HSD3B7: variants seen among roughly 807,000 people sequenced by gnomAD.
HSD3B7 encodes 3 beta-hydroxysteroid dehydrogenase type 7.
A neutral mutation model predicts 34.3 loss-of-function variants in HSD3B7; 35 were observed. The ratio of observed to expected loss-of-function variants is 1.02; its 90% CI spans 0.78 to 1.35. HSD3B7 has a LOEUF of 1.35. HSD3B7 is among the 40% of genes most tolerant of loss of function. The pLI, the probability that HSD3B7 is intolerant of heterozygous loss-of-function variation, is 0.00. For missense variants in HSD3B7, 426 were observed against 504.7 expected, an observed-to-expected ratio of 0.84 and a Z score of 1.49; for synonymous variants, 217 against 220.1, an observed-to-expected ratio of 0.99 and a Z score of 0.13.
Position 30,987,816 on chromosome 16 carries a change from G to A in HSD3B7, c.743G>A (p.Arg248Gln), listed in dbSNP as rs1278469970. The change falls in exon 7 of 7, where the codon CGG (arginine) becomes CAG (glutamine). Residue 248 changes from arginine (R) to glutamine (Q), a missense_variant. Arg to Gln is a conservative substitution (Grantham distance 43). Transcript: ENST00000297679. Reference protein sequence around the residue: ...HVLAARELEQRATLMGGQVYF... With the variant: ...HVLAARELEQQATLMGGQVYF... The stretch of plus-strand genomic sequence containing the variant: ...CTGGCAGCCCGGGAGCTGGAGCAGC[G>A]GGCAACCCTGATGGGCGGCCAGGTA... The A allele has an allele frequency of 5.0e-6, 8 of 1,613,050 alleles. No homozygotes were observed. The highest frequency in any genetic ancestry group is 4.4e-5 in the South Asian group (4 of 91,084).
intron 6 of HSD3B7, chr16:30,987,317 C>T (rs1019053517): frequency 2.0e-5 from 9 of 447,296 alleles, no homozygotes; most frequent in Admixed American, 1.8e-4. Flanking sequence ...TTCAGTGGCT[C>T]GCATCTATAA....
rs751251919 is a variant in HSD3B7, at chr16:30,987,753, T to C, written c.695-15T>C. On this transcript the variant is annotated splice_polypyrimidine_tract_variant and intron_variant, in intron 6 of 6. Coordinates refer to ENST00000297679, the MANE Select transcript of HSD3B7 (RefSeq NM_025193.4). Reference sequence around the variant, plus strand: ...GCACTCAGGGGTGTGTCCGCCTCTCTTCCGCCACCGGCAGGCAATGTTGCC... The same window carrying C: ...GCACTCAGGGGTGTGTCCGCCTCTCCTCCGCCACCGGCAGGCAATGTTGCC... 3 of 1,609,806 alleles carry C rather than the reference T, an allele frequency of 1.9e-6. No homozygotes were observed. The highest frequency in any genetic ancestry group is 2.5e-6 in the Non-Finnish European group (3 of 1,179,960).
At chr16:30,985,462 C>T (rs896564147) in intron 1 of HSD3B7, 165 bp downstream of exon 1, 34 of 1,472,690 alleles carry the variant, frequency 2.3e-5, no homozygotes, top group South Asian at 1.4e-4. Context: ...ACCCCAAGCC[C>T]GCCCCTCTCT....
chr16:30,987,020 C>G lies in HSD3B7; in HGVS notation c.694+18C>G. ...CTATGTGGGTGAGGACTGGGCTAGG[C>G]AGGGGGAGGCTGAGAATATGGCAGG... On this transcript the variant is annotated intron_variant, in intron 6 of 6. Coordinates refer to ENST00000297679, the MANE Select transcript of HSD3B7 (RefSeq NM_025193.4). 6.3e-7 allele frequency: 1 copy of G among 1,599,908 alleles called. No homozygotes were observed.
In HSD3B7 at chr16:30,987,401, C is replaced by G. The variant is rs186281121; in HGVS notation, c.695-367C>G. On this transcript the variant is annotated intron_variant, in intron 6 of 6. Coordinates refer to ENST00000297679, the MANE Select transcript of HSD3B7 (RefSeq NM_025193.4). The stretch of plus-strand genomic sequence containing the variant: ...GTTGGAGGCTGCAGTGAGCTATGAC[C>G]GCACCACTGCACTCCAGCCTGGATG... The G allele has an allele frequency of 3.3e-3, 1,397 of 422,018 alleles. 4 individuals are homozygous for G. Among genetic ancestry groups the G allele is most frequent in the Non-Finnish European group, 4.9e-3 (1,117 of 225,698 alleles). The allele number at this position is 422,018 out of a possible 1,614,324, so 26.1% of individuals were successfully genotyped here.
chr16:30,986,406 G>A lies in HSD3B7; in HGVS notation c.323-17G>A, dbSNP rs373310133. ...AGGGAAGAAGCTGCAGCTTGGATACGCCTCCTCCTCTGCCAGGTACCCGGA... is the reference window on the plus strand; with the variant it reads ...AGGGAAGAAGCTGCAGCTTGGATACACCTCCTCCTCTGCCAGGTACCCGGA... On this transcript the variant is annotated splice_polypyrimidine_tract_variant and intron_variant, in intron 3 of 6. Transcript: ENST00000297679. The A allele has an allele frequency of 1.2e-4, 189 of 1,608,696 alleles. No individual in the cohort carries two copies. Among genetic ancestry groups the A allele is most frequent in the Middle Eastern group, 1.7e-4 (1 of 6,050 alleles).
rs141929596 is a variant in HSD3B7, at chr16:30,986,865, C to T, written c.557C>T (p.Thr186Met). 40 of 1,613,888 alleles carry T rather than the reference C, an allele frequency of 2.5e-5. No homozygotes were observed. The highest frequency in any genetic ancestry group is 4.4e-5 in the South Asian group (4 of 91,090). ...GTCCGTGGGGGGCTGCCCCTGGTGA[C>T]GTGTGCCCTTCGTCCCACGGGCATC... is the stretch of plus-strand genomic sequence containing the variant. ...RKVRGGLPLV[T>M]CALRPTGIYG... The change falls in exon 6 of 7, where the codon ACG (threonine) becomes ATG (methionine). Residue 186 changes from threonine to methionine, a missense_variant. By Grantham distance (81) the Thr-to-Met change is moderately conservative (BLOSUM62 -1). Transcript: ENST00000297679.
In HSD3B7 at chr16:30,987,728, G is replaced by A. The variant is rs1444587944; in HGVS notation, c.695-40G>A. 6 of 1,603,138 alleles carry A rather than the reference G, an allele frequency of 3.7e-6. No homozygotes were observed. In the South Asian group the frequency reaches 5.5e-5, roughly 15 times the overall value. ...GCAGCCTCGATGTGGTGTTGCAAGG[G>A]CACTCAGGGGTGTGTCCGCCTCTCT... On this transcript the variant is annotated intron_variant, in intron 6 of 6. Transcript: ENST00000297679.
intron 6 of HSD3B7, chr16:30,987,363 C>G: frequency 2.4e-6 from 1 of 416,178 alleles, no homozygotes; most frequent in South Asian, 2.4e-5. Context: ...GGGAGGATGG[C>G]CTGAGCCCAG....
Position 30,986,977 on chromosome 16 carries a change from T to C in HSD3B7, c.669T>C (p.Ser223=), listed in dbSNP as rs1342617793. Residue 223 remains serine (S), a synonymous_variant, in exon 6 of 7, where the codon TCT becomes TCC. Transcript: ENST00000297679. ...GGWLFRAIPA[S]VEHGRVYVGN... is the part of the protein sequence containing the mutation. Reference sequence around the variant, plus strand: ...GGCTCTTCCGGGCCATCCCGGCCTCTGTGGAGCATGGCCGGGTCTATGTGG... The same window carrying C: ...GGCTCTTCCGGGCCATCCCGGCCTCCGTGGAGCATGGCCGGGTCTATGTGG... 5 of 1,612,656 alleles carry C rather than the reference T, an allele frequency of 3.1e-6. No homozygotes were observed. In the South Asian group the frequency reaches 4.4e-5, roughly 14 times the overall value.
chr16:30,988,344 C>T lies in HSD3B7; in HGVS notation c.*161C>T. ...GTAGAGCCCTCCACATTTTCTTTTT[C>T]TTTTTTGAGACAGGGTCTTGCTCTG... On this transcript the variant is annotated 3_prime_UTR_variant, in exon 7 of 7. Transcript: ENST00000297679. The T allele has an allele frequency of 1.5e-6, 1 of 683,990 alleles. No homozygotes were observed. The highest frequency in any genetic ancestry group is 2.4e-6 in the Non-Finnish European group (1 of 412,772). 42.4% of individuals were successfully genotyped at this position (683,990 alleles called of 1,614,324 possible). A position where few individuals can be genotyped will look rare whatever the true frequency, so the allele number is the denominator to read the frequency against.
rs1456158372 is a variant in HSD3B7, at chr16:30,986,420, C to A, written c.323-3C>A. ...AGCTTGGATACGCCTCCTCCTCTGCCAGGTACCCGGAACGTGATCGAGGCT... is the reference window on the plus strand; with the variant it reads ...AGCTTGGATACGCCTCCTCCTCTGCAAGGTACCCGGAACGTGATCGAGGCT... On this transcript the variant is annotated splice_region_variant and splice_polypyrimidine_tract_variant and intron_variant, in intron 3 of 6. Coordinates refer to ENST00000297679, the MANE Select transcript of HSD3B7 (RefSeq NM_025193.4). 2.5e-6 allele frequency: 4 copies of A among 1,613,310 alleles called. No individual in the cohort carries two copies. Among genetic ancestry groups the A allele is most frequent in the Non-Finnish European group, 3.4e-6 (4 of 1,179,418 alleles).
chr16:30,988,221 T>G lies in HSD3B7; in HGVS notation c.*38T>G. Reference sequence around the variant, plus strand: ...GGCCTGGAGGCCCAGATACAGCACATCCACCCAGGTCCCGAGCCCTCACAC... The same window carrying G: ...GGCCTGGAGGCCCAGATACAGCACAGCCACCCAGGTCCCGAGCCCTCACAC... On this transcript the variant is annotated 3_prime_UTR_variant, in exon 7 of 7. Transcript: ENST00000297679. 2 of 1,547,474 alleles carry G rather than the reference T, an allele frequency of 1.3e-6. No homozygotes were observed. The highest frequency in any genetic ancestry group is 1.7e-6 in the Non-Finnish European group (2 of 1,151,176).
In HSD3B7 at chr16:30,986,876, C is replaced by T. The variant is rs768019904; in HGVS notation, c.568C>T (p.Arg190Cys). Residue 190 changes from arginine (R) to cysteine (C), a missense_variant, in exon 6 of 7, where the codon CGT becomes TGT. Physicochemically the swap from Arg to Cys is radical, Grantham distance 180 (BLOSUM62 -3). Transcript: ENST00000297679. ...GCTGCCCCTGGTGACGTGTGCCCTT[C>T]GTCCCACGGGCATCTACGGTGAAGG... ...GGLPLVTCAL[R>C]PTGIYGEGHQ... The T allele has an allele frequency of 7.4e-6, 12 of 1,613,978 alleles. No homozygotes were observed. The highest frequency in any genetic ancestry group is 6.7e-5 in the East Asian group (3 of 44,882).
intron 2 of HSD3B7, 49 bp from the exon 3 acceptor site, chr16:30,986,000 G>T: frequency 6.2e-7 from 1 of 1,603,288 alleles, no homozygotes; most frequent in Non-Finnish European, 8.5e-7. Context: ...CCAGCCTCTG[G>T]CCTCTGGCCC....
chr16:30,987,008 G>A lies in HSD3B7; in HGVS notation c.694+6G>A, dbSNP rs1431121949. 6.2e-7 allele frequency: 1 copy of A among 1,606,888 alleles called. No homozygotes were observed. Among genetic ancestry groups the A allele is most frequent in the Non-Finnish European group, 8.5e-7 (1 of 1,175,474 alleles). ...GCATGGCCGGGTCTATGTGGGTGAG[G>A]ACTGGGCTAGGCAGGGGGAGGCTGA... On this transcript the variant is annotated splice_donor_region_variant and intron_variant, in intron 6 of 6. Coordinates refer to ENST00000297679, the MANE Select transcript of HSD3B7 (RefSeq NM_025193.4).
intron 1 of HSD3B7, 23 bp downstream of exon 1, chr16:30,985,320 C>A: frequency 8.1e-7 from 1 of 1,228,310 alleles, no homozygotes. Context: ...GCTGCCAGTG[C>A]CCAGGTGGCC....
At chr16:30,987,482 G>A in intron 6 of HSD3B7, 1 of 539,854 alleles carries the variant, frequency 1.9e-6, no homozygotes, top group Non-Finnish European at 3.3e-6. Context: ...ATCTACACAG[G>A]GAATAAGGTC....
Position 30,986,140 on chromosome 16 carries a change from G to T in HSD3B7, c.258G>T (p.Thr86=), listed in dbSNP as rs767303695. 16 of 1,613,900 alleles carry T rather than the reference G, an allele frequency of 9.9e-6. No individual in the cohort carries two copies. The highest frequency in any genetic ancestry group is 1.3e-5 in the Non-Finnish European group (15 of 1,180,042). ...CCGGAGCCCATGTGGTCATCCACAC[G>T]GCTGGGCTGGTAGACGTGTTTGGCA... ...AVAGAHVVIH[T]AGLVDVFGRA... Residue 86 remains threonine, a synonymous_variant, in exon 3 of 7, where the codon ACG becomes ACT. Transcript: ENST00000297679.
Sources: allele counts gnomAD v4.1 joint callset, GRCh38; gene constraint gnomAD v4.1.1; transcripts MANE v1.5; gene names NCBI Gene and HGNC (gene_info 2026-07-23, HGNC 2026-07-21).